SCMH1: variants seen among roughly 807,000 people sequenced by gnomAD.
SCMH1 encodes the protein Scm polycomb group protein homolog 1, also known as polycomb protein SCMH1.
SCMH1 carries 37 observed loss-of-function variants against 70.8 expected under a neutral mutation model. The ratio of observed to expected loss-of-function variants is 0.52; its 90% CI spans 0.40 to 0.69. The LOEUF (loss-of-function observed/expected upper bound fraction) is 0.69. SCMH1 is among the 30% of genes least tolerant of loss of function. SCMH1 has a pLI of 0.00. For synonymous variants in SCMH1, 292 were observed against 307.4 expected, an observed-to-expected ratio of 0.95 and a Z score of 0.52; for missense variants, 607 against 827.3, an observed-to-expected ratio of 0.73 and a Z score of 3.27.
At chr1:41,119,851 C>T (rs1035061280) in intron 6 of SCMH1, among the ~76,000 whole-genome samples, 1 of 152,194 alleles carries the variant, frequency 6.6e-6, no homozygotes, top group African/African-American at 2.4e-5. Context: ...CCTGCCTCCT[C>T]CTTTTTTCCC....
intron 6 of SCMH1, among the ~76,000 whole-genome samples, chr1:41,127,715 A>G (rs969561537): frequency 1.3e-5 from 2 of 152,172 alleles, no homozygotes; most frequent in African/African-American, 4.8e-5. Flanking sequence ...GGTTAAGTGA[A>G]GTCACGGGGT....
intron 1 of SCMH1, among the ~76,000 whole-genome samples, chr1:41,236,404 CA>C (rs997041412): frequency 2.0e-5 from 3 of 151,980 alleles, no homozygotes; most frequent in African/African-American, 7.3e-5. Context: ...CCAGGACACA[CA>C]AAAAGACATC....
At chr1:41,159,576 TG>T in intron 4 of SCMH1, 1 of 872,558 alleles carries the variant, frequency 1.1e-6, no homozygotes, top group Non-Finnish European at 1.6e-6. Flanking sequence ...AACTGGTAAG[TG>T]GGAATAGGAA....
At chr1:41,028,721 C>T (rs749331053) in exon 14 of SCMH1, 19 of 1,613,850 alleles carry the variant, frequency 1.2e-5, no homozygotes, top group Non-Finnish European at 1.6e-5. Flanking sequence ...AGGTATCGGT[C>T]CGACCCTGCA....
At chr1:41,084,816 T>C (rs1661112524) in intron 8 of SCMH1, among the ~76,000 whole-genome samples, 1 of 152,060 alleles carries the variant, frequency 6.6e-6, no homozygotes, top group East Asian at 1.9e-4. Context: ...GATGAGTTCA[T>C]ATCCTTTGTA....
At chr1:41,093,591 A>G (rs1664265291) in intron 8 of SCMH1, among the ~76,000 whole-genome samples, 1 of 152,236 alleles carries the variant, frequency 6.6e-6, no homozygotes, top group South Asian at 2.1e-4. Context: ...TTCTGTTAAT[A>G]TTAAAATCTT....
At chr1:41,196,747 T>A (rs1218832902) in intron 1 of SCMH1, among the ~76,000 whole-genome samples, 1 of 152,178 alleles carries the variant, frequency 6.6e-6, no homozygotes, top group African/African-American at 2.4e-5. Flanking sequence ...GATCCTATCA[T>A]CAGAGTGAAA....
At chr1:41,110,091 A>G (rs1668893659) in intron 8 of SCMH1, among the ~76,000 whole-genome samples, 1 of 152,168 alleles carries the variant, frequency 6.6e-6, no homozygotes, top group Non-Finnish European at 1.5e-5. Context: ...CTCACAATGC[A>G]TTTACCATAC....
chr1:41,028,762 G>C lies in SCMH1; in HGVS notation c.1679-36C>G, dbSNP rs868212214. ...GGAGGGCACCTACCATAAAGGGCGG[G>C]GACTGGTTTGTAAATCCCCACCACT... On this transcript the variant is annotated intron_variant, in intron 13 of 14. Transcript: ENST00000337495. The C allele has an allele frequency of 1.9e-6, 3 of 1,607,258 alleles. No individual in the cohort carries two copies. In the Middle Eastern group the frequency reaches 5.3e-4, roughly 286 times the overall value.
At chr1:41,048,590 G>C (rs1228594975) in intron 11 of SCMH1, 100 bp downstream of exon 11, 18 of 1,032,100 alleles carry the variant, frequency 1.7e-5, no homozygotes, top group Non-Finnish European at 2.3e-5. Context: ...TCCAGAGCCT[G>C]CAGGTATGAA....
At chr1:41,035,433 T>C (rs1004873717) in intron 13 of SCMH1, among the ~76,000 whole-genome samples, 5 of 152,186 alleles carry the variant, frequency 3.3e-5, no homozygotes, top group African/African-American at 1.2e-4. Flanking sequence ...CAAGCATAGT[T>C]GGGCCCTGAG....
intron 2 of SCMH1, among the ~76,000 whole-genome samples, chr1:41,164,518 A>G (rs1313278507): frequency 6.6e-6 from 1 of 152,136 alleles, no homozygotes; most frequent in Non-Finnish European, 1.5e-5. Context: ...TAGAGACTTG[A>G]TCTTGTTTAG....
chr1:41,161,209 T>C (rs771528715), intron 3 of SCMH1, among the ~76,000 whole-genome samples, 155 bp downstream of exon 3: 4 of 152,244 alleles, frequency 2.6e-5, no homozygotes, highest in African/African-American at 4.8e-5. Flanking sequence ...AAACAAAGTA[T>C]ATTGCTTATG....
chr1:41,085,480 A>G (rs1661335813), intron 8 of SCMH1, among the ~76,000 whole-genome samples: 1 of 152,216 alleles, frequency 6.6e-6, no homozygotes, highest in Non-Finnish European at 1.5e-5. Context: ...TACTAGCTCC[A>G]CTAATATTTA....
At chr1:41,222,514 T>A (rs1189810657) in intron 1 of SCMH1, among the ~76,000 whole-genome samples, 5 of 152,122 alleles carry the variant, frequency 3.3e-5, no homozygotes, top group Non-Finnish European at 7.4e-5. Context: ...AACATGAGGC[T>A]TCCTAGGAAT....
At chr1:41,219,964 A>G (rs1016909883) in intron 1 of SCMH1, among the ~76,000 whole-genome samples, 1 of 152,096 alleles carries the variant, frequency 6.6e-6, no homozygotes, top group Non-Finnish European at 1.5e-5. Context: ...TACAAGATAC[A>G]AGTCACTTGG....
At chr1:41,081,094 G>C (rs1284526223) in intron 8 of SCMH1, among the ~76,000 whole-genome samples, 1 of 152,048 alleles carries the variant, frequency 6.6e-6, no homozygotes, top group Non-Finnish European at 1.5e-5. Flanking sequence ...AAAATCTAAT[G>C]TATTTCTCTA....
chr1:41,128,064 C>T (rs1673672897), intron 6 of SCMH1, among the ~76,000 whole-genome samples: 1 of 152,156 alleles, frequency 6.6e-6, no homozygotes, highest in African/African-American at 2.4e-5. Flanking sequence ...TCTGGATTTG[C>T]TATTTATTTT....
At chr1:41,119,456 A>C (rs1179956290) in intron 6 of SCMH1, among the ~76,000 whole-genome samples, 15 of 151,918 alleles carry the variant, frequency 9.9e-5, no homozygotes, top group African/African-American at 2.9e-4. Context: ...AAACAAAAAA[A>C]AAAAAACCCC....
Sources: allele counts gnomAD v4.1 joint callset (sites outside exome capture counted in the v4.1 genomes callset), GRCh38; gene constraint gnomAD v4.1.1; transcripts MANE v1.5; gene names NCBI Gene and HGNC (gene_info 2026-07-23, HGNC 2026-07-21).